Variants in DMRTA2 observed in about 807,000 individuals in gnomAD.
DMRTA2 encodes the protein doublesex- and mab-3-related transcription factor A2.
DMRTA2 carries 10 observed loss-of-function variants against 29.7 expected under a neutral mutation model. That is an observed-to-expected ratio of 0.34 (90% confidence interval 0.21 to 0.57). The LOEUF (loss-of-function observed/expected upper bound fraction) is 0.57. Among genes scored for constraint, DMRTA2 ranks in the 20% least tolerant of loss-of-function variants. DMRTA2 has a pLI of 0.87. For synonymous variants in DMRTA2, 469 were observed against 402.6 expected (o/e 1.16, Z -1.97); for missense variants, 783 against 812.1 (o/e 0.96, Z 0.44).
In DMRTA2 at chr1:50,419,665, A is replaced by G. The variant is rs1036182518; in HGVS notation, c.629T>C (p.Leu210Pro). The change falls in exon 3 of 3, where the codon CTG (leucine) becomes CCG (proline). Residue 210 changes from leucine (L) to proline (P), a missense_variant. Physicochemically the swap from Leu to Pro is moderately conservative, Grantham distance 98 (BLOSUM62 -3). This residue lies in a region of DMRTA2 where 667 missense variants were observed against 624.8 expected (regional missense o/e 1.07). Coordinates refer to ENST00000404795, the MANE Select transcript of DMRTA2 (RefSeq NM_032110.3). The surrounding 1 kb of genome is among the most constrained non-coding windows in gnomAD (Gnocchi z 6.1). ...TGATAAGGGCTTCACCGGCGGCGGC[A>G]GCGGGCTGCCCGGGCGGCCTGCCTG... ...LLQAGRPGSP[L>P]PPPVKPLSPD... 15 of 1,497,128 alleles carry G rather than the reference A, an allele frequency of 1.0e-5. No homozygotes were observed. Among genetic ancestry groups the G allele is most frequent in the African/African-American group, 1.5e-5 (1 of 68,764 alleles). The allele number at this position is 1,497,128 out of a possible 1,614,324, so 92.7% of individuals were successfully genotyped here.
chr1:50,419,662 G>A lies in DMRTA2; in HGVS notation c.632C>T (p.Pro211Leu), dbSNP rs956460281. ...LQAGRPGSPL[P>L]PPVKPLSPDG... ...GGGTGATAAGGGCTTCACCGGCGGC[G>A]GCAGCGGGCTGCCCGGGCGGCCTGC... Residue 211 changes from proline to leucine, a missense_variant, in exon 3 of 3, where the codon CCG (proline) becomes CTG (leucine). Pro to Leu is a moderately conservative substitution (Grantham distance 98). Around this residue, in one of 3 missense-constraint regions of DMRTA2, gnomAD observed 667 missense variants for 624.8 expected, o/e 1.07. Transcript: ENST00000404795. The surrounding 1 kb of genome is among the most constrained non-coding windows in gnomAD (Gnocchi z 6.1). 1.3e-6 allele frequency: 2 copies of A among 1,497,438 alleles called. No individual in the cohort carries two copies. Among genetic ancestry groups the A allele is most frequent in the East Asian group, 5.1e-5 (2 of 39,154 alleles). The allele number at this position is 1,497,438 out of a possible 1,614,324, so 92.8% of individuals were successfully genotyped here.
Position 50,421,507 on chromosome 1 carries a change from C to A in DMRTA2, c.30G>T (p.Val10=), listed in dbSNP as rs1572735491. 9 of 1,271,392 alleles carry A rather than the reference C, an allele frequency of 7.1e-6. No homozygotes were observed. Among genetic ancestry groups the A allele is most frequent in the Middle Eastern group, 2.9e-4 (1 of 3,406 alleles). 78.8% of individuals were successfully genotyped at this position (1,271,392 alleles called of 1,614,324 possible). The change falls in exon 2 of 3, where the codon GTG becomes GTT. Residue 10 remains valine (V), a synonymous_variant. Transcript: ENST00000404795. This position sits in a 1 kb window ranked among gnomAD's most constrained non-coding sequence, Gnocchi z 8.7. ...CCGCCGCCGCCGTCGCCGCGCCGGGCACGCTGGGCAGCTCCGAGCGCAGCT... is the reference window on the plus strand; with the variant it reads ...CCGCCGCCGCCGTCGCCGCGCCGGGAACGCTGGGCAGCTCCGAGCGCAGCT... MELRSELPS[V]PGAATAAAAT...
chr1:50,419,952 C>T lies in DMRTA2; in HGVS notation c.560-218G>A, dbSNP rs1646024302. On this transcript the variant is annotated intron_variant, in intron 2 of 2. Transcript: ENST00000404795. This position sits in a 1 kb window ranked among gnomAD's most constrained non-coding sequence, Gnocchi z 6.1. Reference sequence around the variant, plus strand: ...CCTCTCTTTCTGTACTCCTCAGAACCCCAACTACCTGTGCCCTGTAAACTC... The same window carrying T: ...CCTCTCTTTCTGTACTCCTCAGAACTCCAACTACCTGTGCCCTGTAAACTC... Among the ~76,000 whole-genome samples the T allele has an allele frequency of 7.9e-6, 1 of 126,084 alleles. No individual in the cohort carries two copies. Among genetic ancestry groups the T allele is most frequent in the South Asian group, 2.3e-4 (1 of 4,264 alleles). 82.7% of individuals were successfully genotyped at this position (126,084 alleles called of 152,430 possible). A position where few individuals can be genotyped will look rare whatever the true frequency, so the allele number is the denominator to read the frequency against.
In DMRTA2 at chr1:50,421,395, C is replaced by T; in HGVS notation, c.142G>A (p.Gly48Ser). The T allele has an allele frequency of 1.3e-6, 2 of 1,487,442 alleles. No homozygotes were observed. The highest frequency in any genetic ancestry group is 1.8e-6 in the Non-Finnish European group (2 of 1,120,788). The allele number at this position is 1,487,442 out of a possible 1,614,324, so 92.1% of individuals were successfully genotyped here. Residue 48 changes from glycine (G) to serine (S), a missense_variant, in exon 2 of 3, where the codon GGC becomes AGC. Physicochemically the swap from Gly to Ser is moderately conservative, Grantham distance 56 (BLOSUM62 0). This residue lies in a region of DMRTA2 where 76 missense variants were observed against 152.6 expected (regional missense o/e 0.50). Transcript: ENST00000404795. The surrounding 1 kb of genome is among the most constrained non-coding windows in gnomAD (Gnocchi z 8.7). ...AAASLPVSVAGGLLRGPPLLL... is the reference protein window; with the variant it reads ...AAASLPVSVASGLLRGPPLLL... Reference sequence around the variant, plus strand: ...AGTGGCGGCCCCCGCAGCAAGCCGCCTGCCACGCTCACCGGTAGCGATGCA... The same window carrying T: ...AGTGGCGGCCCCCGCAGCAAGCCGCTTGCCACGCTCACCGGTAGCGATGCA...
At position 50,421,522 on chromosome 1, in the gene DMRTA2, C is replaced by A; in HGVS notation, c.15G>T (p.Ser5=). 1 of 1,262,186 alleles carries A rather than the reference C, an allele frequency of 7.9e-7. No individual in the cohort carries two copies. The highest frequency in any genetic ancestry group is 9.9e-7 in the Non-Finnish European group (1 of 1,009,226). The allele number at this position is 1,262,186 out of a possible 1,614,324, so 78.2% of individuals were successfully genotyped here. ...CCGCGCCGGGCACGCTGGGCAGCTC[C>A]GAGCGCAGCTCCATGACAGGACCTG... MELR[S]ELPSVPGAAT... Residue 5 remains serine, a synonymous_variant, in exon 2 of 3, where the codon TCG becomes TCT. Coordinates refer to ENST00000404795, the MANE Select transcript of DMRTA2 (RefSeq NM_032110.3). This position sits in a 1 kb window ranked among gnomAD's most constrained non-coding sequence, Gnocchi z 8.7.
rs1646023839 is a variant in DMRTA2, at chr1:50,419,879, C to T, written c.560-145G>A. On this transcript the variant is annotated intron_variant, in intron 2 of 2. Coordinates refer to ENST00000404795, the MANE Select transcript of DMRTA2 (RefSeq NM_032110.3). The surrounding 1 kb of genome is among the most constrained non-coding windows in gnomAD (Gnocchi z 6.1). ...TCCAGTGCCCCTCTTTCTTTTTGCT[C>T]TAGCATTCCTTCCGCTCTGAGCCCC... 1.4e-6 allele frequency: 1 copy of T among 697,194 alleles called. No homozygotes were observed. Among genetic ancestry groups the T allele is most frequent in the Non-Finnish European group, 2.2e-6 (1 of 455,238 alleles). 43.2% of individuals were successfully genotyped at this position (697,194 alleles called of 1,614,324 possible). A position where few individuals can be genotyped will look rare whatever the true frequency, so the allele number is the denominator to read the frequency against.
chr1:50,419,674 C>T lies in DMRTA2; in HGVS notation c.620G>A (p.Gly207Asp), dbSNP rs745630474. Residue 207 changes from glycine to aspartate, a missense_variant, in exon 3 of 3, where the codon GGC becomes GAC. Coordinates refer to ENST00000404795, the MANE Select transcript of DMRTA2 (RefSeq NM_032110.3). This position sits in a 1 kb window ranked among gnomAD's most constrained non-coding sequence, Gnocchi z 6.1. ...CTTCACCGGCGGCGGCAGCGGGCTG[C>T]CCGGGCGGCCTGCCTGCAGCAGCGT... is the stretch of plus-strand genomic sequence containing the variant. ...PKTLLQAGRP[G>D]SPLPPPVKPL... 23 of 1,496,176 alleles carry T rather than the reference C, an allele frequency of 1.5e-5. No individual in the cohort carries two copies. In the East Asian group the frequency reaches 5.9e-4, roughly 38 times the overall value. The allele number at this position is 1,496,176 out of a possible 1,614,324, so 92.7% of individuals were successfully genotyped here. A position where few individuals can be genotyped will look rare whatever the true frequency, so the allele number is the denominator to read the frequency against.
chr1:50,423,177 ACGCTGGAGCTCTTGGC>A lies in DMRTA2; in HGVS notation c.-86_-71del, dbSNP rs1646052033. ...CACGCGCCTCCCGGCTCCACTGGCG[ACGCTGGAGCTCTTGGC>A]CGCTTCCCTTTGCCCCCGGCCCCTT... On this transcript the variant is annotated 5_prime_UTR_variant, in exon 1 of 3. Transcript: ENST00000404795. 6.5e-6 allele frequency: 1 copy of A among 152,780 alleles called. No individual in the cohort carries two copies. Among genetic ancestry groups the A allele is most frequent in the South Asian group, 2.1e-4 (1 of 4,828 alleles). 9.5% of individuals were successfully genotyped at this position (152,780 alleles called of 1,614,324 possible).
Position 50,418,732 on chromosome 1 carries a change from TGCACCGCCGCAGCA to T in DMRTA2, c.1548_1561del (p.Ala517GlnfsTer63). ...GCCGCCGCCGTAGGTCGGCTCCTTG[TGCACCGCCGCAGCA>T]GCGGCGGCCGAGCGGTCACGCATGA... On this transcript the variant is annotated frameshift_variant, in exon 3 of 3. Coordinates refer to ENST00000404795, the MANE Select transcript of DMRTA2 (RefSeq NM_032110.3). LOFTEE classifies it high-confidence loss of function. The T allele has an allele frequency of 6.5e-7, 1 of 1,546,172 alleles. No individual in the cohort carries two copies. The highest frequency in any genetic ancestry group is 8.7e-7 in the Non-Finnish European group (1 of 1,150,636).
Position 50,421,035 on chromosome 1 carries a change from G to C in DMRTA2, c.502C>G (p.Pro168Ala). The part of the protein sequence containing the change: ...GSVCAADGGG[P>A]GAGAPAGTGG... ...GTCCCCGCGGGCGCTCCCGCTCCAG[G>C]TCCCCCGCCGTCGGCGGCGCACACT... Residue 168 changes from proline to alanine, a missense_variant, in exon 2 of 3, where the codon CCT (proline) becomes GCT (alanine). By Grantham distance (27) the Pro-to-Ala change is conservative (BLOSUM62 -1). Transcript: ENST00000404795. This position sits in a 1 kb window ranked among gnomAD's most constrained non-coding sequence, Gnocchi z 8.7. 2 of 1,510,672 alleles carry C rather than the reference G, an allele frequency of 1.3e-6. No individual in the cohort carries two copies. The allele number at this position is 1,510,672 out of a possible 1,614,324, so 93.6% of individuals were successfully genotyped here.
In DMRTA2 at chr1:50,421,263, T is replaced by C; in HGVS notation, c.274A>G (p.Lys92Glu). ...GTGCACTTGGCGCACAGGCAGTCCT[T>C]CCAGCGACAGTAGCGTTTGTGGCCC... ...LKGHKRYCRW[K>E]DCLCAKCTLI... Residue 92 changes from lysine to glutamate, a missense_variant, in exon 2 of 3, where the codon AAG (lysine) becomes GAG (glutamate). Lys to Glu is a moderately conservative substitution (Grantham distance 56). Transcript: ENST00000404795. The surrounding 1 kb of genome is among the most constrained non-coding windows in gnomAD (Gnocchi z 8.7). 6.5e-7 allele frequency: 1 copy of C among 1,537,732 alleles called. No individual in the cohort carries two copies. Among genetic ancestry groups the C allele is most frequent in the Non-Finnish European group, 8.8e-7 (1 of 1,141,402 alleles).
At position 50,418,776 on chromosome 1, in the gene DMRTA2, G is replaced by C; in HGVS notation, c.1518C>G (p.Ser506Arg). 6.3e-7 allele frequency: 1 copy of C among 1,586,336 alleles called. No homozygotes were observed. The highest frequency in any genetic ancestry group is 8.6e-7 in the Non-Finnish European group (1 of 1,169,220). The change falls in exon 3 of 3, where the codon AGC becomes AGG. Residue 506 changes from serine (S) to arginine (R), a missense_variant. By Grantham distance (110) the Ser-to-Arg change is moderately radical. Transcript: ENST00000404795. ...CGGCCGAGCGGTCACGCATGAGATC[G>C]CTAAAGGCGTAGTCCATGGGTGGGC... ...GFRPPMDYAF[S>R]DLMRDRSAAA... is the part of the protein sequence containing the mutation.
chr1:50,419,871 T>A lies in DMRTA2; in HGVS notation c.560-137A>T, dbSNP rs551759168. On this transcript the variant is annotated intron_variant, in intron 2 of 2. Coordinates refer to ENST00000404795, the MANE Select transcript of DMRTA2 (RefSeq NM_032110.3). This position sits in a 1 kb window ranked among gnomAD's most constrained non-coding sequence, Gnocchi z 6.1. ...CACTAGGCTCCAGTGCCCCTCTTTC[T>A]TTTTGCTCTAGCATTCCTTCCGCTC... The A allele has an allele frequency of 4.1e-6, 3 of 726,466 alleles. No individual in the cohort carries two copies. The highest frequency in any genetic ancestry group is 4.2e-6 in the Non-Finnish European group (2 of 481,132). 45.0% of individuals were successfully genotyped at this position (726,466 alleles called of 1,614,324 possible).
chr1:50,419,102 C>T lies in DMRTA2; in HGVS notation c.1192G>A (p.Gly398Arg). Residue 398 changes from glycine to arginine, a missense_variant, in exon 3 of 3, where the codon GGG (glycine) becomes AGG (arginine). Physicochemically the swap from Gly to Arg is moderately radical, Grantham distance 125. Transcript: ENST00000404795. This position sits in a 1 kb window ranked among gnomAD's most constrained non-coding sequence, Gnocchi z 6.1. The part of the protein sequence containing the change: ...DAAAAAAAAA[G>R]GPGLPAPLQA... ...AGCGGCGCAGGCAGCCCAGGCCCCC[C>T]GGCGGCGGCGGCGGCGGCGGCGGCG... The T allele has an allele frequency of 1.9e-6, 1 of 514,252 alleles. No individual in the cohort carries two copies. The highest frequency in any genetic ancestry group is 2.6e-6 in the Non-Finnish European group (1 of 384,142). The allele number at this position is 514,252 out of a possible 1,614,324, so 31.9% of individuals were successfully genotyped here.
chr1:50,421,819 A>G lies in DMRTA2; in HGVS notation c.-8-275T>C, dbSNP rs1646041241. The stretch of plus-strand genomic sequence containing the variant: ...ATTAGTGATTCCGCTGGAAAAAATA[A>G]AGAGACATGTAAAGTGTGAAAGTCA... On this transcript the variant is annotated intron_variant, in intron 1 of 2. Coordinates refer to ENST00000404795, the MANE Select transcript of DMRTA2 (RefSeq NM_032110.3). This position sits in a 1 kb window ranked among gnomAD's most constrained non-coding sequence, Gnocchi z 8.7. Among the ~76,000 whole-genome samples the G allele has an allele frequency of 1.3e-5, 2 of 152,236 alleles. No individual in the cohort carries two copies. The highest frequency in any genetic ancestry group is 2.9e-5 in the Non-Finnish European group (2 of 68,042).
Position 50,421,770 on chromosome 1 carries a change from C to T in DMRTA2, c.-8-226G>A, listed in dbSNP as rs1646040863. 1 of 369,378 alleles carries T rather than the reference C, an allele frequency of 2.7e-6. No individual in the cohort carries two copies. The allele number at this position is 369,378 out of a possible 1,614,324, so 22.9% of individuals were successfully genotyped here. On this transcript the variant is annotated intron_variant, in intron 1 of 2. Coordinates refer to ENST00000404795, the MANE Select transcript of DMRTA2 (RefSeq NM_032110.3). The surrounding 1 kb of genome is among the most constrained non-coding windows in gnomAD (Gnocchi z 8.7). The stretch of plus-strand genomic sequence containing the variant: ...TGGCTGCTCTTAGACCTGATATACA[C>T]GCTAGGGGTAAGATTTTGTCTGAAT...
rs777295600 is a variant in DMRTA2, at chr1:50,419,653, A to G, written c.641T>C (p.Val214Ala). The G allele has an allele frequency of 1.3e-6, 2 of 1,501,878 alleles. No homozygotes were observed. The highest frequency in any genetic ancestry group is 1.3e-5 in the South Asian group (1 of 75,228). The allele number at this position is 1,501,878 out of a possible 1,614,324, so 93.0% of individuals were successfully genotyped here. A position where few individuals can be genotyped will look rare whatever the true frequency, so the allele number is the denominator to read the frequency against. The change falls in exon 3 of 3, where the codon GTG becomes GCG. Residue 214 changes from valine (V) to alanine (A), a missense_variant. By Grantham distance (64) the Val-to-Ala change is moderately conservative. Transcript: ENST00000404795. This position sits in a 1 kb window ranked among gnomAD's most constrained non-coding sequence, Gnocchi z 6.1. ...GRPGSPLPPP[V>A]KPLSPDGADS... The stretch of plus-strand genomic sequence containing the variant: ...TGCGCCGTCGGGTGATAAGGGCTTC[A>G]CCGGCGGCGGCAGCGGGCTGCCCGG...
Position 50,419,136 on chromosome 1 carries a change from G to C in DMRTA2, c.1158C>G (p.Arg386=). ...CGGCGGCGGCGGCGGCGGCGTCGAC[G>C]CGGCTGGGCCACGCGTCGTCTGCAG... ...AAAADDAWPS[R]VDAAAAAAAA... The change falls in exon 3 of 3, where the codon CGC becomes CGG. Residue 386 remains arginine, a synonymous_variant. Transcript: ENST00000404795. The surrounding 1 kb of genome is among the most constrained non-coding windows in gnomAD (Gnocchi z 6.1). 8.5e-7 allele frequency: 1 copy of C among 1,181,510 alleles called. No individual in the cohort carries two copies. The highest frequency in any genetic ancestry group is 1.0e-6 in the Non-Finnish European group (1 of 960,924). 73.2% of individuals were successfully genotyped at this position (1,181,510 alleles called of 1,614,324 possible). A position where few individuals can be genotyped will look rare whatever the true frequency, so the allele number is the denominator to read the frequency against.
At position 50,420,442 on chromosome 1, in the gene DMRTA2, A is replaced by G. The variant is rs1191256691; in HGVS notation, c.559+536T>C. ...GGAAAGCAGACCTGAGAAACCAGGG[A>G]GGGTGCGGAAGAAACTAGAAGGAGG... On this transcript the variant is annotated intron_variant, in intron 2 of 2. Coordinates refer to ENST00000404795, the MANE Select transcript of DMRTA2 (RefSeq NM_032110.3). This position sits in a 1 kb window ranked among gnomAD's most constrained non-coding sequence, Gnocchi z 4.1. Among the ~76,000 whole-genome samples, 1 of 152,130 alleles carries G rather than the reference A, an allele frequency of 6.6e-6. No individual in the cohort carries two copies. Among genetic ancestry groups the G allele is most frequent in the East Asian group, 1.9e-4 (1 of 5,182 alleles).
Sources: allele counts gnomAD v4.1 joint callset (sites outside exome capture counted in the v4.1 genomes callset), GRCh38; gene constraint gnomAD v4.1.1; regional missense constraint gnomAD v4.1.1; non-coding constraint Gnocchi (gnomAD v3.1); transcripts MANE v1.5; gene names NCBI Gene and HGNC (gene_info 2026-07-23, HGNC 2026-07-21).